DAB1: variants seen among roughly 807,000 people sequenced by gnomAD.
DAB1 encodes the protein DAB adaptor protein 1.
In DAB1, 15 loss-of-function variants were observed where a neutral mutation model predicts 64.6. The observed-to-expected ratio is 0.23, with a 90% CI of 0.16 to 0.36. DAB1 has a LOEUF of 0.36. Among genes scored for constraint, DAB1 ranks in the 10% least tolerant of loss-of-function variants. The probability of loss-of-function intolerance (pLI) is 1.00; values close to 1 mark genes in which losing one functional copy is unlikely to be tolerated. For synonymous variants in DAB1, 235 were observed against 251.9 expected, an observed-to-expected ratio of 0.93 and a Z score of 0.64; for missense variants, 596 against 706.7, an observed-to-expected ratio of 0.84 and a Z score of 1.78.
chr1:58,361,335 G>C lies in DAB1; in HGVS notation n.258-17932C>G, dbSNP rs532764483. 9.2e-5 allele frequency among the ~76,000 whole-genome samples: 14 copies of C among 152,330 alleles called. 1 individual carries two copies. The South Asian group carries it at 2.7e-3, about 29-fold the overall frequency. On this transcript the variant is annotated intron_variant and non_coding_transcript_variant, in intron 3 of 20. Coordinates refer to the DAB1 transcript ENST00000485760. ...ACGAGGTCTGGGGGTGTCCCCACTA[G>C]GTGCATTCTGCTCTTCTGCAGATTG...
intron 9 of DAB1, among the ~76,000 whole-genome samples, chr1:57,059,020 T>G (rs1366329999): frequency 1.3e-5 from 2 of 152,132 alleles, no homozygotes; most frequent in Non-Finnish European, 2.9e-5. Flanking sequence ...AGTACTCTAT[T>G]TGGGGTAAGG....
intron 5 of DAB1, among the ~76,000 whole-genome samples, chr1:58,107,332 G>C (rs573957080): frequency 6.7e-6 from 1 of 150,348 alleles, no homozygotes; most frequent in Non-Finnish European, 1.5e-5. Context: ...GTAGCTGGGC[G>C]TGGTGGTGGG....
rs184735728 is a variant in DAB1 at position 57,034,790 on chromosome 1, C to G, written c.724-8747G>C. Among the ~76,000 whole-genome samples the G allele has an allele frequency of 2.6e-5, 4 of 152,246 alleles. 1 individual carries two copies. Among genetic ancestry groups the G allele is most frequent in the Admixed American group, 6.5e-5 (1 of 15,290 alleles). Reference sequence around the variant, plus strand: ...TACGCATGAATAGTTTTGAGGAGAGCTTTTGGCAATGCAGGAGTGGGAAAA... The same window carrying G: ...TACGCATGAATAGTTTTGAGGAGAGGTTTTGGCAATGCAGGAGTGGGAAAA... On this transcript the variant is annotated intron_variant, in intron 9 of 14. Coordinates refer to ENST00000371236, the MANE Select transcript of DAB1 (RefSeq NM_001365792.1).
At chr1:57,458,555 C>A (rs77732821) in intron 7 of DAB1, among the ~76,000 whole-genome samples, 18 of 151,722 alleles carry the variant, frequency 1.2e-4, no homozygotes, top group African/African-American at 4.4e-4. Context: ...AAATAAGAAG[C>A]TTTGGTTTAA....
intron 6 of DAB1, among the ~76,000 whole-genome samples, chr1:57,756,060 T>C (rs1436110937): frequency 2.6e-5 from 4 of 152,138 alleles, no homozygotes; most frequent in Non-Finnish European, 5.9e-5. Context: ...ACCTGTAAAA[T>C]GGCAGTGGGA....
At chr1:57,159,164 T>G (rs866802315) in intron 2 of DAB1, among the ~76,000 whole-genome samples, 2 of 151,178 alleles carry the variant, frequency 1.3e-5, no homozygotes, top group African/African-American at 4.8e-5. Context: ...CTACTAGTAT[T>G]TATTTCAGGT....
At chr1:57,343,453 C>T (rs942651432) in intron 1 of DAB1, among the ~76,000 whole-genome samples, 17 of 152,376 alleles carry the variant, frequency 1.1e-4, no homozygotes, top group African/African-American at 3.8e-4. Flanking sequence ...TGCGCCCGCA[C>T]TCCTGAGCCC....
chr1:58,499,349 G>A (rs1032873040), intron 3 of DAB1, among the ~76,000 whole-genome samples: 7 of 147,810 alleles, frequency 4.7e-5, no homozygotes, highest in Non-Finnish European at 8.9e-5. Context: ...GCCAGGCATT[G>A]TGGTACATTC....
intron 7 of DAB1, among the ~76,000 whole-genome samples, chr1:57,444,560 A>ATCTTT: frequency 6.6e-6 from 1 of 152,360 alleles, no homozygotes; most frequent in Middle Eastern, 3.4e-3. Flanking sequence ...AATCTAATTA[A>ATCTTT]GTTAGGATCA....
At chr1:58,134,664 G>C (rs1241270341) in intron 5 of DAB1, among the ~76,000 whole-genome samples, 2 of 152,200 alleles carry the variant, frequency 1.3e-5, no homozygotes, top group East Asian at 3.8e-4. Flanking sequence ...AGACAGTGAA[G>C]GGGACGGTGA....
chr1:57,590,364 G>A (rs1645429502), intron 7 of DAB1, among the ~76,000 whole-genome samples: 1 of 151,480 alleles, frequency 6.6e-6, no homozygotes, highest in Non-Finnish European at 1.5e-5. Context: ...TCTGTCACCA[G>A]GTTGGAGTGC....
chr1:58,492,332 C>A (rs540164080), intron 3 of DAB1, among the ~76,000 whole-genome samples: 7 of 152,168 alleles, frequency 4.6e-5, no homozygotes, highest in East Asian at 3.9e-4. Flanking sequence ...AAAATTGACA[C>A]CCTAACATCA....
At chr1:57,550,514 AC>A (rs1212003978) in intron 7 of DAB1, among the ~76,000 whole-genome samples, 1 of 126,322 alleles carries the variant, frequency 7.9e-6, no homozygotes, top group Non-Finnish European at 1.6e-5. Flanking sequence ...CTGCCCACCC[AC>A]CCCCCTTCTC....
intron 4 of DAB1, among the ~76,000 whole-genome samples, chr1:58,288,365 A>G (rs947989306): frequency 2.0e-4 from 31 of 152,186 alleles, no homozygotes; most frequent in African/African-American, 7.5e-4. Context: ...CATCAGCACA[A>G]TGGTATAATG....
At chr1:58,139,807 T>G (rs1268033694) in intron 5 of DAB1, among the ~76,000 whole-genome samples, 1 of 152,180 alleles carries the variant, frequency 6.6e-6, no homozygotes, top group Non-Finnish European at 1.5e-5. Context: ...GCATTCAAAC[T>G]TACCTATAAA....
chr1:58,153,626 G>C (rs1259603784), intron 4 of DAB1, among the ~76,000 whole-genome samples: 2 of 152,022 alleles, frequency 1.3e-5, no homozygotes, highest in Non-Finnish European at 2.9e-5. Context: ...ATTCAACCTA[G>C]AGCTGTAATG....
chr1:57,452,162 C>CA (rs1367319481), intron 7 of DAB1, among the ~76,000 whole-genome samples: 4 of 99,866 alleles, frequency 4.0e-5, no homozygotes, highest in East Asian at 4.3e-4. Flanking sequence ...TCTCTGCACC[C>CA]CCCCTTTTTT....
intron 2 of DAB1, among the ~76,000 whole-genome samples, chr1:57,161,537 A>G (rs903085379): frequency 6.6e-6 from 1 of 152,348 alleles, no homozygotes; most frequent in African/African-American, 2.4e-5. Flanking sequence ...AATACACATA[A>G]TAACAGGTAC....
At chr1:57,500,335 A>G (rs1644276447) in intron 7 of DAB1, among the ~76,000 whole-genome samples, 1 of 152,220 alleles carries the variant, frequency 6.6e-6, no homozygotes, top group Non-Finnish European at 1.5e-5. Context: ...ATGCACAGAA[A>G]ACGAAGCCTG....
Sources: gnomAD v4.1 joint callset for allele counts (sites outside exome capture counted in the v4.1 genomes callset) on GRCh38, gnomAD v4.1.1 for gene constraint, MANE v1.5 for transcripts, NCBI Gene and HGNC (gene_info 2026-07-23, HGNC 2026-07-21) for gene names.